The following BTNL8 variants were observed in gnomAD, a reference collection of about 807,000 sequenced individuals.
The protein encoded by BTNL8 is butyrophilin like 8.
In BTNL8, 22 loss-of-function variants were observed where a neutral mutation model predicts 36.1. The ratio of observed to expected loss-of-function variants is 0.61; its 90% CI spans 0.44 to 0.87. The LOEUF is 0.87. Ranked by LOEUF, BTNL8 falls within the 40% of genes least tolerant of loss-of-function variation. BTNL8 has a pLI of 0.00. For synonymous variants in BTNL8, 203 were observed against 235.6 expected (o/e 0.86, Z 1.27); for missense variants, 526 against 616.9 (o/e 0.85, Z 1.56).
chr5:180,934,764 C>T (rs975169953), intron 3 of BTNL8, among the ~76,000 whole-genome samples: 1 of 152,192 alleles, frequency 6.6e-6, no homozygotes, highest in Admixed American at 6.5e-5. Context: ...GCATGGGAAG[C>T]CCCTAGGTCT....
chr5:180,950,730 C>A lies in BTNL8; in HGVS notation c.*186C>A. On this transcript the variant is annotated 3_prime_UTR_variant, in exon 8 of 8. Coordinates refer to ENST00000340184, the MANE Select transcript of BTNL8 (RefSeq NM_001040462.3). ...GCTGACATTACATTTAGTTTGCTCT[C>A]ACTCCATCTGGCTAAGTGATCTTGA... 1 of 631,596 alleles carries A rather than the reference C, an allele frequency of 1.6e-6. No individual in the cohort carries two copies. The highest frequency in any genetic ancestry group is 2.6e-6 in the Non-Finnish European group (1 of 382,590). The allele number at this position is 631,596 out of a possible 1,614,324, so 39.1% of individuals were successfully genotyped here. A position where few individuals can be genotyped will look rare whatever the true frequency, so the allele number is the denominator to read the frequency against.
intron 1 of BTNL8, among the ~76,000 whole-genome samples, chr5:180,906,661 C>T (rs1265930895): frequency 2.6e-5 from 3 of 116,782 alleles, no homozygotes; most frequent in Non-Finnish European, 5.1e-5. Flanking sequence ...TGGCTGGTAC[C>T]GGTTGTTCCT....
chr5:180,908,603 G>C lies in BTNL8; in HGVS notation c.67G>C (p.Gly23Arg), dbSNP rs767884758. ...KLGSGQWQVFGPDKPVQALVG... is the reference protein window; with the variant it reads ...KLGSGQWQVFRPDKPVQALVG... ...TCCCACAGGGCAGTGGCAGGTGTTTGGGCCAGACAAGCCTGTCCAGGCCTT... is the reference window on the plus strand; with the variant it reads ...TCCCACAGGGCAGTGGCAGGTGTTTCGGCCAGACAAGCCTGTCCAGGCCTT... The change falls in exon 2 of 8, where the codon GGG (glycine) becomes CGG (arginine). Residue 23 changes from glycine to arginine, a missense_variant. By Grantham distance (125) the Gly-to-Arg change is moderately radical. This residue lies in a region of BTNL8 where 350 missense variants were observed against 324.6 expected (regional missense o/e 1.08). Transcript: ENST00000340184. 1.2e-6 allele frequency: 2 copies of C among 1,613,822 alleles called. No homozygotes were observed. The highest frequency in any genetic ancestry group is 1.7e-6 in the Non-Finnish European group (2 of 1,179,856).
chr5:180,911,187 CA>C, intron 2 of BTNL8, 151 bp from the exon 3 acceptor site: 1 of 1,208,548 alleles, frequency 8.3e-7, no homozygotes, highest in Non-Finnish European at 1.2e-6. Flanking sequence ...GAACAGAGGC[CA>C]TGGGAAGGCT....
At chr5:180,923,052 A>T (rs138094807) in intron 3 of BTNL8, among the ~76,000 whole-genome samples, 2,743 of 152,278 alleles carry the variant, frequency 0.018, 88 homozygotes, top group African/African-American at 0.062. Flanking sequence ...ATTTTCCTAC[A>T]TCCCTTTATT....
At chr5:180,941,943 G>T (rs889743499) in intron 3 of BTNL8, among the ~76,000 whole-genome samples, 1 of 124,904 alleles carries the variant, frequency 8.0e-6, no homozygotes, top group Non-Finnish European at 1.7e-5. Flanking sequence ...AGTCCTAGCC[G>T]GAGCAATCAG....
intron 3 of BTNL8, among the ~76,000 whole-genome samples, chr5:180,921,660 T>TACACACACACAC (rs201708722): frequency 6.2e-5 from 9 of 146,316 alleles, no homozygotes; most frequent in African/African-American, 1.8e-4. Flanking sequence ...CTGCTCATAC[T>TACACACACACAC]ACACACACAC....
rs2278689 is a variant in BTNL8 at position 180,950,331 on chromosome 5, T to C, written c.1290T>C (p.Tyr430=). 233,802 of 1,462,642 alleles carry C rather than the reference T, an allele frequency of 0.16. 64,653 individuals carry two copies. Among genetic ancestry groups the C allele is most frequent in the African/African-American group, 0.55 (39,332 of 72,092 alleles). The allele number at this position is 1,462,642 out of a possible 1,614,324, so 90.6% of individuals were successfully genotyped here. The change falls in exon 8 of 8, where the codon TAT becomes TAC. Residue 430 remains tyrosine, a synonymous_variant. Coordinates refer to ENST00000340184, the MANE Select transcript of BTNL8 (RefSeq NM_001040462.3). ...FFNINDQSLI[Y]TLTCRFEGLL... ...ACATAAATGACCAGTCCCTTATTTA[T>C]ACCCTGACATGTCGGTTTGAAGGCT...
chr5:180,913,939 A>T (rs772530547), intron 3 of BTNL8, among the ~76,000 whole-genome samples: 2 of 152,214 alleles, frequency 1.3e-5, no homozygotes, highest in Non-Finnish European at 2.9e-5. Flanking sequence ...AAAATTAACA[A>T]ACCCAATTTA....
At chr5:180,911,213 T>C in intron 2 of BTNL8, 126 bp from the exon 3 acceptor site, 8 of 1,408,100 alleles carry the variant, frequency 5.7e-6, no homozygotes, top group Non-Finnish European at 7.7e-6. Context: ...CCAAAGGTCG[T>C]GGTTTTAGTG....
In BTNL8 at chr5:180,926,835, G is replaced by A. The variant is rs1758124422; in HGVS notation, c.673+15221G>A. 2.0e-5 allele frequency among the ~76,000 whole-genome samples: 3 copies of A among 152,218 alleles called. No homozygotes were observed. In the South Asian group the frequency reaches 6.2e-4, roughly 32 times the overall value. ...CAGCAGCCCCAGTCAAGGGCTTAGAGATAAAACTCCCATCTCCCTGGGACA... is the reference window on the plus strand; with the variant it reads ...CAGCAGCCCCAGTCAAGGGCTTAGAAATAAAACTCCCATCTCCCTGGGACA... On this transcript the variant is annotated intron_variant, in intron 3 of 7. Transcript: ENST00000340184.
At chr5:180,936,675 G>A (rs1447658101) in intron 3 of BTNL8, among the ~76,000 whole-genome samples, 3 of 152,170 alleles carry the variant, frequency 2.0e-5, no homozygotes, top group East Asian at 1.9e-4. Flanking sequence ...GCCGCTTGCC[G>A]TAGTGTGCTC....
At position 180,908,041 on chromosome 5, in the gene BTNL8, C is replaced by T. The variant is rs543985968; in HGVS notation, c.50-545C>T. Among the ~76,000 whole-genome samples the T allele has an allele frequency of 3.2e-3, 490 of 152,296 alleles. 2 individuals carry two copies. Among genetic ancestry groups the T allele is most frequent in the African/African-American group, 0.011 (467 of 41,564 alleles). On this transcript the variant is annotated intron_variant, in intron 1 of 7. Transcript: ENST00000340184. ...GCAGGCCTCCTTGAGCTGTGGTGGG[C>T]TCCACCCAGTTGGAGCTGCTTTGTT...
intron 1 of BTNL8, among the ~76,000 whole-genome samples, chr5:180,908,232 C>G (rs1367001591): frequency 6.6e-6 from 1 of 152,116 alleles, no homozygotes; most frequent in Non-Finnish European, 1.5e-5. Context: ...TTCTTAAGCC[C>G]ATCGGAAAAG....
chr5:180,929,004 A>C (rs1260814419), intron 3 of BTNL8, among the ~76,000 whole-genome samples: 1 of 152,196 alleles, frequency 6.6e-6, no homozygotes, highest in Non-Finnish European at 1.5e-5. Flanking sequence ...AAATCAACAT[A>C]ATATATATTC....
chr5:180,950,577 T>A lies in BTNL8; in HGVS notation c.*33T>A. On this transcript the variant is annotated 3_prime_UTR_variant, in exon 8 of 8. Coordinates refer to ENST00000340184, the MANE Select transcript of BTNL8 (RefSeq NM_001040462.3). ...CACATCCCACATTCTTCTTTAGGGA[T>A]ATTAAGGTCTCTCTCCCAGATCCAA... The A allele has an allele frequency of 6.9e-7, 1 of 1,451,562 alleles. No individual in the cohort carries two copies. The highest frequency in any genetic ancestry group is 1.4e-5 in the African/African-American group (1 of 72,438). 89.9% of individuals were successfully genotyped at this position (1,451,562 alleles called of 1,614,324 possible).
rs754534210 is a variant in BTNL8 at position 180,949,785 on chromosome 5, G to A, written c.863-119G>A. 17 of 1,266,214 alleles carry A rather than the reference G, an allele frequency of 1.3e-5. 5 individuals are homozygous for A. Among genetic ancestry groups the A allele is most frequent in the Non-Finnish European group, 1.6e-5 (15 of 915,408 alleles). 78.4% of individuals were successfully genotyped at this position (1,266,214 alleles called of 1,614,324 possible). ...AAGGCAGTGTCTGCGGGAGGCTCAG[G>A]TCCGGGGCCTCACCTATGCCACCCA... On this transcript the variant is annotated intron_variant, in intron 7 of 7. Coordinates refer to ENST00000340184, the MANE Select transcript of BTNL8 (RefSeq NM_001040462.3).
chr5:180,931,267 C>T (rs1040160596), intron 3 of BTNL8, among the ~76,000 whole-genome samples: 4 of 152,132 alleles, frequency 2.6e-5, no homozygotes, highest in Non-Finnish European at 5.9e-5. Context: ...ACGTGGAAAA[C>T]TGAAACTGGA....
At chr5:180,920,711 C>A (rs1309607367) in intron 3 of BTNL8, among the ~76,000 whole-genome samples, 2 of 151,874 alleles carry the variant, frequency 1.3e-5, no homozygotes, top group Non-Finnish European at 2.9e-5. Context: ...AGTTAATGTC[C>A]AAAATATGTA....
Sources: gnomAD v4.1 joint callset for allele counts (sites outside exome capture counted in the v4.1 genomes callset) on GRCh38, gnomAD v4.1.1 for gene constraint, gnomAD v4.1.1 regional missense constraint, MANE v1.5 for transcripts, NCBI Gene and HGNC (gene_info 2026-07-23, HGNC 2026-07-21) for gene names.